ODAD4: variants seen among roughly 807,000 people sequenced by gnomAD.
The protein encoded by ODAD4 is outer dynein arm docking complex subunit 4, also known as outer dynein arm-docking complex subunit 4.
ODAD4 carries 49 observed loss-of-function variants against 51.8 expected under a neutral mutation model. That is an observed-to-expected ratio of 0.95 (90% CI 0.75 to 1.20). The LOEUF (loss-of-function observed/expected upper bound fraction) is 1.20. ODAD4 is among the 50% of genes most tolerant of loss of function. The pLI, the probability that ODAD4 is intolerant of heterozygous loss-of-function variation, is 0.00. For missense variants in ODAD4, 590 were observed against 586.5 expected (o/e 1.01, Z -0.06); for synonymous variants, 235 against 221.3 (o/e 1.06, Z -0.55).
intron 9 of ODAD4, among the ~76,000 whole-genome samples, chr17:41,951,883 CAAAAAAAA>C (rs55769009): frequency 1.1e-4 from 4 of 35,546 alleles, no homozygotes; most frequent in South Asian, 1.1e-3. Flanking sequence ...GACTCTGTCG[CAAAAAAAA>C]AAAAAAAAAA....
chr17:41,942,780 G>GT (rs1438826489), intron 7 of ODAD4, among the ~76,000 whole-genome samples: 1 of 152,242 alleles, frequency 6.6e-6, no homozygotes, highest in Non-Finnish European at 1.5e-5. Flanking sequence ...CCTGCAGGCA[G>GT]TGGGAGGTCT....
At position 41,936,537 on chromosome 17, in the gene ODAD4, A is replaced by G; in HGVS notation, c.459+3A>G. On this transcript the variant is annotated splice_donor_region_variant and intron_variant, in intron 4 of 11. Coordinates refer to ENST00000377540, the MANE Select transcript of ODAD4 (RefSeq NM_031421.5). Reference sequence around the variant, plus strand: ...CCTTCTTAAGCAAGCAGGCTGAGGTAAGGGCCCTGGTTCTGTGGTTGTATC... The same window carrying G: ...CCTTCTTAAGCAAGCAGGCTGAGGTGAGGGCCCTGGTTCTGTGGTTGTATC... 1 of 1,610,592 alleles carries G rather than the reference A, an allele frequency of 6.2e-7. No individual in the cohort carries two copies. Among genetic ancestry groups the G allele is most frequent in the Non-Finnish European group, 8.5e-7 (1 of 1,177,332 alleles).
At chr17:41,936,123 G>A (rs1555637748) in intron 3 of ODAD4, among the ~76,000 whole-genome samples, 1 of 152,152 alleles carries the variant, frequency 6.6e-6, no homozygotes. Context: ...GCATACCAAG[G>A]GCTGGCCTTA....
intron 11 of ODAD4, among the ~76,000 whole-genome samples, chr17:41,964,467 G>A (rs139055898): frequency 2.6e-5 from 4 of 152,280 alleles, no homozygotes; most frequent in East Asian, 1.9e-4. Flanking sequence ...CAGCCCTCAC[G>A]TGATGCACAG....
intron 10 of ODAD4, among the ~76,000 whole-genome samples, chr17:41,958,241 T>A (rs1190230627): frequency 6.6e-6 from 1 of 152,136 alleles, no homozygotes; most frequent in African/African-American, 2.4e-5. Context: ...TCAGTCTGGG[T>A]GAGGAGCCCT....
At chr17:41,935,377 C>G in intron 2 of ODAD4, 29 bp downstream of exon 2, 1 of 1,607,032 alleles carries the variant, frequency 6.2e-7, no homozygotes, top group Non-Finnish European at 8.5e-7. Flanking sequence ...GGACTGGATC[C>G]TGCCATTGCC....
At chr17:41,932,811 C>T (rs1555637153) in intron 1 of ODAD4, among the ~76,000 whole-genome samples, 2 of 151,108 alleles carry the variant, frequency 1.3e-5, no homozygotes, top group Non-Finnish European at 1.5e-5. Flanking sequence ...GTAATACTCC[C>T]GCTTTGGCCT....
At chr17:41,943,835 G>C (rs1555639035) in intron 7 of ODAD4, among the ~76,000 whole-genome samples, 1 of 152,168 alleles carries the variant, frequency 6.6e-6, no homozygotes, top group Non-Finnish European at 1.5e-5. Flanking sequence ...TCAGGAGGCT[G>C]AGTCAGGAGG....
intron 9 of ODAD4, among the ~76,000 whole-genome samples, chr17:41,951,149 A>G (rs2144520776): frequency 6.6e-6 from 1 of 151,690 alleles, no homozygotes; most frequent in East Asian, 2.0e-4. Context: ...CAGTGGCACA[A>G]TCTTGGCTCA....
chr17:41,944,444 A>ACACACACACACACACACACC (rs1191101800), intron 7 of ODAD4, among the ~76,000 whole-genome samples: 7 of 19,564 alleles, frequency 3.6e-4, no homozygotes, highest in African/African-American at 8.1e-4. Context: ...ACACACACAC[A>ACACACACACACACACACACC]CCCCCCCGCA....
intron 10 of ODAD4, among the ~76,000 whole-genome samples, chr17:41,959,705 G>A (rs782269726): frequency 6.6e-6 from 1 of 152,208 alleles, no homozygotes; most frequent in Admixed American, 6.5e-5. Flanking sequence ...GGTGGCGGGG[G>A]ATGGTGGTGA....
chr17:41,955,096 C>T lies in ODAD4; in HGVS notation c.1343-121C>T, dbSNP rs1555640798. On this transcript the variant is annotated intron_variant, in intron 9 of 11. Coordinates refer to ENST00000377540, the MANE Select transcript of ODAD4 (RefSeq NM_031421.5). ...GTGATGCTTCCCTGGGGCCTGGGTCCGACTACAGCTCACACAAGCTTCTGA... is the reference window on the plus strand; with the variant it reads ...GTGATGCTTCCCTGGGGCCTGGGTCTGACTACAGCTCACACAAGCTTCTGA... The T allele has an allele frequency of 4.2e-5, 30 of 712,180 alleles. 1 individual carries two copies. Among genetic ancestry groups the T allele is most frequent in the South Asian group, 3.2e-4 (22 of 68,298 alleles). 44.1% of individuals were successfully genotyped at this position (712,180 alleles called of 1,614,324 possible).
intron 1 of ODAD4, among the ~76,000 whole-genome samples, chr17:41,934,066 G>A (rs574389410): frequency 1.3e-4 from 10 of 78,350 alleles, no homozygotes; most frequent in African/African-American, 4.8e-4. Flanking sequence ...TTTTGAGACA[G>A]CGTCTCACTC....
intron 11 of ODAD4, among the ~76,000 whole-genome samples, chr17:41,963,830 G>A (rs368238905): frequency 7.2e-6 from 1 of 138,510 alleles, no homozygotes; most frequent in Non-Finnish European, 1.6e-5. Flanking sequence ...GCAGTGGCGC[G>A]ATCTCAGCTC....
At chr17:41,954,049 G>A (rs955073964) in intron 9 of ODAD4, among the ~76,000 whole-genome samples, 4 of 151,012 alleles carry the variant, frequency 2.6e-5, no homozygotes, top group Admixed American at 6.6e-5. Context: ...GCAGTGGCGC[G>A]ATCTCGGCTC....
intron 11 of ODAD4, among the ~76,000 whole-genome samples, chr17:41,964,431 A>C (rs1172965420): frequency 6.6e-6 from 1 of 152,098 alleles, no homozygotes; most frequent in Non-Finnish European, 1.5e-5. Context: ...GCGCATTTTC[A>C]TGATGTCTGG....
chr17:41,941,537 G>A (rs945197263), intron 7 of ODAD4, among the ~76,000 whole-genome samples: 29 of 152,148 alleles, frequency 1.9e-4, no homozygotes, highest in African/African-American at 7.0e-4. Context: ...GCCAAGGTGG[G>A]TGGATCACGA....
At chr17:41,945,724 C>A (rs1555639427) in intron 8 of ODAD4, among the ~76,000 whole-genome samples, 1 of 152,096 alleles carries the variant, frequency 6.6e-6, no homozygotes, top group African/African-American at 2.4e-5. Flanking sequence ...CATGGCAAAA[C>A]CCTGTCTCTA....
chr17:41,960,471 CAAAA>C (rs1567940366), intron 10 of ODAD4, among the ~76,000 whole-genome samples: 2 of 151,412 alleles, frequency 1.3e-5, no homozygotes, highest in South Asian at 2.1e-4. Flanking sequence ...AACAAACAAA[CAAAA>C]AACAAAGCAC....
Sources: gnomAD v4.1 joint callset for allele counts (sites outside exome capture counted in the v4.1 genomes callset) on GRCh38, gnomAD v4.1.1 for gene constraint, MANE v1.5 for transcripts, NCBI Gene and HGNC (gene_info 2026-07-23, HGNC 2026-07-21) for gene names.